The following DOCK10 variants were observed in gnomAD, a reference collection of about 807,000 sequenced individuals.
The protein encoded by DOCK10 is dedicator of cytokinesis 10.
Under a neutral mutation model 280.1 loss-of-function variants are expected in DOCK10, and 145 were observed. The observed-to-expected ratio is 0.52, with a 90% CI of 0.45 to 0.59. The LOEUF is 0.59. Ranked by LOEUF, DOCK10 falls within the 20% of genes least tolerant of loss-of-function variation. The probability of loss-of-function intolerance (pLI) is 0.00; values close to 1 mark genes in which losing one functional copy is unlikely to be tolerated. For missense variants in DOCK10, 2,368 were observed against 2,651.7 expected (o/e 0.89, Z 2.35); for synonymous variants, 915 against 942.2 (o/e 0.97, Z 0.53).
chr2:224,892,831 C>T (rs181500150), intron 4 of DOCK10, among the ~76,000 whole-genome samples: 1 of 152,338 alleles, frequency 6.6e-6, no homozygotes, highest in African/African-American at 2.4e-5. Context: ...TTTTAATAAG[C>T]CACAAGGCAC....
Position 224,876,230 on chromosome 2 carries a change from T to G in DOCK10, c.748-9A>C. 1 of 1,585,980 alleles carries G rather than the reference T, an allele frequency of 6.3e-7. No homozygotes were observed. The highest frequency in any genetic ancestry group is 8.6e-7 in the Non-Finnish European group (1 of 1,165,226). On this transcript the variant is annotated splice_polypyrimidine_tract_variant and intron_variant, in intron 7 of 55. Coordinates refer to ENST00000258390, the MANE Select transcript of DOCK10 (RefSeq NM_014689.3). ...TTTCTTAGTCTGTTATTCTGTGGTA[T>G]AAAAAGAAAGAAAGAAAAAGAGAAT...
chr2:224,907,410 A>G lies in DOCK10; in HGVS notation c.333+9285T>C, dbSNP rs1359560026. Among the ~76,000 whole-genome samples the G allele has an allele frequency of 2.6e-5, 4 of 152,144 alleles. No homozygotes were observed. The East Asian group carries it at 7.7e-4, about 29-fold the overall frequency. ...CAGTAAGAATTAAGAATAGAGGGCCAGGCGCGGTGGCTCACGCCTGTAATC... is the reference window on the plus strand; with the variant it reads ...CAGTAAGAATTAAGAATAGAGGGCCGGGCGCGGTGGCTCACGCCTGTAATC... On this transcript the variant is annotated intron_variant, in intron 3 of 55. Coordinates refer to ENST00000258390, the MANE Select transcript of DOCK10 (RefSeq NM_014689.3).
chr2:224,773,083 A>G, intron 53 of DOCK10, 74 bp downstream of exon 53: 1 of 1,335,648 alleles, frequency 7.5e-7, no homozygotes, highest in Non-Finnish European at 1.0e-6. Flanking sequence ...TTCTTTGTAA[A>G]CAAAGTTCTC....
intron 39 of DOCK10, among the ~76,000 whole-genome samples, chr2:224,803,081 G>C (rs544104019): frequency 8.6e-4 from 131 of 152,194 alleles, no homozygotes; most frequent in African/African-American, 2.9e-3. Context: ...AGTACAGTCT[G>C]AACTTGTGGA....
chr2:224,862,096 G>C (rs536844450), intron 14 of DOCK10: 1 of 152,444 alleles, frequency 6.6e-6, no homozygotes, highest in Non-Finnish European at 1.5e-5. Flanking sequence ...ATGCATCCAA[G>C]TGAATGATGT....
At chr2:224,947,934 A>AT (rs1703520571) in intron 1 of DOCK10, among the ~76,000 whole-genome samples, 1 of 152,218 alleles carries the variant, frequency 6.6e-6, no homozygotes, top group Admixed American at 6.5e-5. Flanking sequence ...ATAAAGAATA[A>AT]ATTAGGGATT....
intron 1 of DOCK10, among the ~76,000 whole-genome samples, chr2:224,972,437 T>C (rs921979232): frequency 5.3e-5 from 8 of 152,230 alleles, no homozygotes; most frequent in African/African-American, 1.4e-4. Context: ...CTTGCATTCA[T>C]TCATTCATCA....
intron 1 of DOCK10, among the ~76,000 whole-genome samples, chr2:225,012,885 C>T (rs1214674895): frequency 6.6e-6 from 1 of 152,126 alleles, no homozygotes; most frequent in Non-Finnish European, 1.5e-5. Context: ...ATTCATAAGC[C>T]TTAGTTCCAT....
chr2:224,882,190 G>C (rs1035248120), intron 7 of DOCK10, among the ~76,000 whole-genome samples: 9 of 152,170 alleles, frequency 5.9e-5, no homozygotes, highest in African/African-American at 2.2e-4. Flanking sequence ...TGGAATGAAT[G>C]GATGGATAGA....
intron 4 of DOCK10, among the ~76,000 whole-genome samples, chr2:224,894,736 T>C (rs748848428): frequency 2.0e-5 from 3 of 152,180 alleles, no homozygotes; most frequent in Non-Finnish European, 4.4e-5. Flanking sequence ...GAAAAAAGAT[T>C]TGCAGTTTAG....
chr2:224,841,388 A>G, intron 23 of DOCK10, among the ~76,000 whole-genome samples: 1 of 152,340 alleles, frequency 6.6e-6, no homozygotes, highest in Admixed American at 6.5e-5. Flanking sequence ...TAATTAAAAA[A>G]TGAATACGTT....
chr2:224,865,103 A>C lies in DOCK10; in HGVS notation c.1258-16T>G. The C allele has an allele frequency of 1.9e-6, 3 of 1,608,332 alleles. No homozygotes were observed. The highest frequency in any genetic ancestry group is 2.5e-6 in the Non-Finnish European group (3 of 1,176,524). On this transcript the variant is annotated splice_polypyrimidine_tract_variant and intron_variant, in intron 11 of 55. Coordinates refer to ENST00000258390, the MANE Select transcript of DOCK10 (RefSeq NM_014689.3). Reference sequence around the variant, plus strand: ...AAGGCTCAATCTGCATGAAAAAGAAAGAACAGATGTTTTTGATATAAAATC... The same window carrying C: ...AAGGCTCAATCTGCATGAAAAAGAACGAACAGATGTTTTTGATATAAAATC...
At chr2:225,026,774 A>G (rs1218196895) in intron 1 of DOCK10, among the ~76,000 whole-genome samples, 2 of 152,138 alleles carry the variant, frequency 1.3e-5, no homozygotes, top group East Asian at 3.9e-4. Flanking sequence ...TGGGGAAGGC[A>G]GAGAGAAGGG....
At chr2:224,789,961 A>G (rs1692047133) in intron 47 of DOCK10, among the ~76,000 whole-genome samples, 2 of 152,044 alleles carry the variant, frequency 1.3e-5, no homozygotes, top group Admixed American at 6.5e-5. Flanking sequence ...TTGTATTTTT[A>G]GTAGAGACGG....
intron 25 of DOCK10, 136 bp from the exon 26 acceptor site, chr2:224,834,399 A>G (rs535557448): frequency 4.2e-5 from 27 of 639,454 alleles, no homozygotes; most frequent in South Asian, 1.4e-4. Context: ...TGCAGGCCCA[A>G]TGATAAGAGC....
intron 2 of DOCK10, among the ~76,000 whole-genome samples, chr2:224,921,510 C>T (rs376193211): frequency 3.3e-5 from 5 of 151,532 alleles, no homozygotes; most frequent in South Asian, 4.2e-4. Context: ...TATGAGACTG[C>T]GAATTAATTC....
At chr2:224,792,274 T>C (rs945749912) in intron 47 of DOCK10, among the ~76,000 whole-genome samples, 21 of 152,264 alleles carry the variant, frequency 1.4e-4, no homozygotes, top group African/African-American at 4.1e-4. Context: ...TATATGTATA[T>C]ATCTTCATTT....
chr2:224,866,957 A>G (rs1055813021), intron 11 of DOCK10, among the ~76,000 whole-genome samples: 2 of 152,026 alleles, frequency 1.3e-5, no homozygotes, highest in African/African-American at 4.8e-5. Flanking sequence ...TTCTCCAAGG[A>G]GCCCTGGTTC....
At chr2:224,923,645 T>G (rs1365582713) in intron 2 of DOCK10, among the ~76,000 whole-genome samples, 3 of 152,176 alleles carry the variant, frequency 2.0e-5, no homozygotes, top group Non-Finnish European at 4.4e-5. Flanking sequence ...CACTGCCAGC[T>G]CTCACCGGCT....
Sources: allele counts gnomAD v4.1 joint callset (sites outside exome capture counted in the v4.1 genomes callset), GRCh38; gene constraint gnomAD v4.1.1; transcripts MANE v1.5; gene names NCBI Gene and HGNC (gene_info 2026-07-23, HGNC 2026-07-21).